SLC23A2: variants seen among roughly 807,000 people sequenced by gnomAD.
SLC23A2 encodes the protein Na(+)/L-ascorbic acid transporter 2.
A neutral mutation model predicts 73.3 loss-of-function variants in SLC23A2; 36 were observed. That is an observed-to-expected ratio of 0.49 (90% CI 0.38 to 0.65). The LOEUF is 0.65. Among genes scored for constraint, SLC23A2 ranks in the 30% least tolerant of loss-of-function variants. SLC23A2 has a pLI of 0.00. For synonymous variants in SLC23A2, 343 were observed against 327.3 expected, an observed-to-expected ratio of 1.05 and a Z score of -0.52; for missense variants, 507 against 841.6, an observed-to-expected ratio of 0.60 and a Z score of 4.92.
intron 3 of SLC23A2, among the ~76,000 whole-genome samples, chr20:4,913,688 G>A (rs72552236): frequency 0.017 from 2,662 of 152,148 alleles, 34 homozygotes; most frequent in Non-Finnish European, 0.024. Flanking sequence ...ATGCAATGGC[G>A]TGATCTCGGC....
At chr20:4,969,880 T>C (rs1374956957) in intron 2 of SLC23A2, among the ~76,000 whole-genome samples, 1 of 152,190 alleles carries the variant, frequency 6.6e-6, no homozygotes, top group Non-Finnish European at 1.5e-5. Context: ...GCTAAGATGT[T>C]TTCCCCAAGA....
chr20:4,902,617 G>T lies in SLC23A2; in HGVS notation c.208-59C>A. 1 of 927,432 alleles carries T rather than the reference G, an allele frequency of 1.1e-6. No homozygotes were observed. The highest frequency in any genetic ancestry group is 1.7e-6 in the Non-Finnish European group (1 of 592,950). The allele number at this position is 927,432 out of a possible 1,614,324, so 57.5% of individuals were successfully genotyped here. A position where few individuals can be genotyped will look rare whatever the true frequency, so the allele number is the denominator to read the frequency against. Reference sequence around the variant, plus strand: ...TAAACGTGAAGACCAGTGTTAGCTCGGCCATGTACAGGCCACTATTACAGA... The same window carrying T: ...TAAACGTGAAGACCAGTGTTAGCTCTGCCATGTACAGGCCACTATTACAGA... On this transcript the variant is annotated intron_variant, in intron 4 of 16. Transcript: ENST00000338244. The surrounding 1 kb of genome is among the most constrained non-coding windows in gnomAD (Gnocchi z 4.0).
chr20:4,871,339 G>A (rs541478406), intron 11 of SLC23A2, among the ~76,000 whole-genome samples: 3 of 152,286 alleles, frequency 2.0e-5, no homozygotes, highest in Admixed American at 6.5e-5. Context: ...AGGAAAAGGC[G>A]AAGTCGGGCC....
chr20:4,974,968 G>A (rs1335854634), intron 1 of SLC23A2, among the ~76,000 whole-genome samples: 1 of 152,042 alleles, frequency 6.6e-6, no homozygotes, highest in Non-Finnish European at 1.5e-5. Context: ...TGTATTTTTA[G>A]TAGAGATGGG....
intron 3 of SLC23A2, among the ~76,000 whole-genome samples, chr20:4,922,550 G>A (rs1373098295): frequency 2.0e-5 from 3 of 152,170 alleles, no homozygotes; most frequent in African/African-American, 7.2e-5. Context: ...GTGAGAGGCC[G>A]GGCACAGTGG....
At chr20:4,958,369 G>C (rs952045655) in intron 2 of SLC23A2, among the ~76,000 whole-genome samples, 1 of 152,304 alleles carries the variant, frequency 6.6e-6, no homozygotes, top group South Asian at 2.1e-4. Flanking sequence ...CTAGAGGGGA[G>C]GGGGAGAAAT....
intron 1 of SLC23A2, among the ~76,000 whole-genome samples, chr20:4,988,902 C>G (rs1266327272): frequency 3.3e-5 from 5 of 151,636 alleles, no homozygotes; most frequent in Non-Finnish European, 5.9e-5. Flanking sequence ...AAGAGTGAGA[C>G]TCTGTCAAGG....
chr20:4,942,261 T>C (rs1654642210), intron 2 of SLC23A2, among the ~76,000 whole-genome samples: 1 of 150,300 alleles, frequency 6.7e-6, no homozygotes, highest in African/African-American at 2.5e-5. Flanking sequence ...CAGAAGAGAG[T>C]GGAGAAAAGC....
intron 3 of SLC23A2, among the ~76,000 whole-genome samples, chr20:4,930,471 A>T (rs974956959): frequency 6.6e-5 from 10 of 152,222 alleles, no homozygotes; most frequent in African/African-American, 2.2e-4. Context: ...AATACAATTT[A>T]AAAAAATAAA....
intron 2 of SLC23A2, among the ~76,000 whole-genome samples, chr20:4,939,493 C>T (rs1032936922): frequency 2.0e-5 from 3 of 152,268 alleles, no homozygotes; most frequent in East Asian, 3.9e-4. Flanking sequence ...AATTACATAG[C>T]GAGTTACAAA....
At chr20:4,982,821 T>C (rs1201104572) in intron 1 of SLC23A2, among the ~76,000 whole-genome samples, 1 of 151,760 alleles carries the variant, frequency 6.6e-6, no homozygotes, top group Non-Finnish European at 1.5e-5. Context: ...AGTCCAAATG[T>C]GTGGCCAGGC....
rs939786027 is a variant in SLC23A2 at position 4,874,198 on chromosome 20, G to A, written c.946-106C>T. ...ATATCACACCCCAGAGCCCACCACA[G>A]TCAGTACTTTGCAGACCTTCCTTGA... On this transcript the variant is annotated intron_variant, in intron 10 of 16. Transcript: ENST00000338244. 5 of 1,065,998 alleles carry A rather than the reference G, an allele frequency of 4.7e-6. No homozygotes were observed. In the African/African-American group the frequency reaches 6.9e-5, roughly 15 times the overall value. The allele number at this position is 1,065,998 out of a possible 1,614,324, so 66.0% of individuals were successfully genotyped here. A position where few individuals can be genotyped will look rare whatever the true frequency, so the allele number is the denominator to read the frequency against.
intron 1 of SLC23A2, among the ~76,000 whole-genome samples, chr20:4,973,399 A>G (rs1028959574): frequency 6.6e-6 from 1 of 152,228 alleles, no homozygotes; most frequent in African/African-American, 2.4e-5. Flanking sequence ...CGAAAGTACT[A>G]TGACTCCTTA....
intron 1 of SLC23A2, among the ~76,000 whole-genome samples, chr20:4,984,978 A>C (rs1487544387): frequency 6.6e-6 from 1 of 152,072 alleles, no homozygotes; most frequent in Non-Finnish European, 1.5e-5. Context: ...CCCTACTAAA[A>C]ATACAAAAAT....
intron 1 of SLC23A2, among the ~76,000 whole-genome samples, chr20:4,979,588 C>A (rs1029914537): frequency 6.6e-6 from 1 of 151,972 alleles, no homozygotes; most frequent in Admixed American, 6.6e-5. Flanking sequence ...AATATAGAGA[C>A]AATAATATTG....
chr20:4,961,377 T>A (rs145362799), intron 2 of SLC23A2, among the ~76,000 whole-genome samples: 1 of 152,078 alleles, frequency 6.6e-6, no homozygotes, highest in Non-Finnish European at 1.5e-5. Flanking sequence ...CCACCACGCC[T>A]GGCCTATCTA....
chr20:4,890,067 T>C (rs763354292), intron 6 of SLC23A2, among the ~76,000 whole-genome samples: 1 of 152,108 alleles, frequency 6.6e-6, no homozygotes, highest in East Asian at 1.9e-4. Flanking sequence ...GGAAACACCA[T>C]GAAGATACAA....
Position 4,874,506 on chromosome 20 carries a change from C to A in SLC23A2, c.945+70G>T, listed in dbSNP as rs550451546. The A allele has an allele frequency of 3.5e-5, 52 of 1,467,888 alleles. 2 individuals carry two copies. In the South Asian group the frequency reaches 6.9e-4, roughly 20 times the overall value. The allele number at this position is 1,467,888 out of a possible 1,614,324, so 90.9% of individuals were successfully genotyped here. On this transcript the variant is annotated intron_variant, in intron 10 of 16. Transcript: ENST00000338244. ...CAAGGAGGGCCTGCTTAAAACCCTC[C>A]CTTCACTTAATCATCTTACATATTA...
chr20:4,920,155 G>C (rs1932455606), intron 3 of SLC23A2, among the ~76,000 whole-genome samples: 1 of 152,198 alleles, frequency 6.6e-6, no homozygotes, highest in Non-Finnish European at 1.5e-5. Flanking sequence ...TAGCTACTTG[G>C]GAGACTGAGG....
Sources: allele counts gnomAD v4.1 joint callset (sites outside exome capture counted in the v4.1 genomes callset), GRCh38; gene constraint gnomAD v4.1.1; non-coding constraint Gnocchi (gnomAD v3.1); transcripts MANE v1.5; gene names NCBI Gene and HGNC (gene_info 2026-07-23, HGNC 2026-07-21).